The following VCF1 variants were observed in gnomAD, a reference collection of about 807,000 sequenced individuals.
VCF1 encodes the protein protein VCF1.
the VCF1 span, among the ~76,000 whole-genome samples, chr17:73,216,658 T>A: frequency 4.6e-5 from 7 of 152,076 alleles, no homozygotes; most frequent in African/African-American, 1.7e-4. Context: ...TGAGAGAATA[T>A]AGAGCAAAAA....
At chr17:73,216,372 G>A in the VCF1 span, among the ~76,000 whole-genome samples, 4 of 152,172 alleles carry the variant, frequency 2.6e-5, no homozygotes, top group African/African-American at 9.7e-5. Flanking sequence ...GGTGAGCCTG[G>A]CAAAAAGTTT....
the VCF1 span, chr17:73,208,638 T>G: frequency 1.4e-6 from 1 of 728,010 alleles, no homozygotes; most frequent in Non-Finnish European, 2.4e-6. Flanking sequence ...TTCACAATAC[T>G]TGTTGCTTTA....
chr17:73,225,954 T>TA, the VCF1 span, among the ~76,000 whole-genome samples: 103 of 142,024 alleles, frequency 7.3e-4, no homozygotes, highest in African/African-American at 2.6e-3. Flanking sequence ...CAGGCTGGAG[T>TA]AAAACGGCAC....
the VCF1 span, among the ~76,000 whole-genome samples, chr17:73,225,882 A>T: frequency 0.27 from 19,965 of 73,570 alleles, 2,639 homozygotes; most frequent in Non-Finnish European, 0.33. Context: ...ATATATATAT[A>T]ATATATATAT....
the VCF1 span, among the ~76,000 whole-genome samples, chr17:73,219,745 G>C: frequency 6.6e-6 from 1 of 152,098 alleles, no homozygotes; most frequent in Non-Finnish European, 1.5e-5. Flanking sequence ...GGCCGAGGCA[G>C]GTGGATCACG....
At chr17:73,213,416 C>T in the VCF1 span, among the ~76,000 whole-genome samples, 1 of 152,050 alleles carries the variant, frequency 6.6e-6, no homozygotes, top group African/African-American at 2.4e-5. Flanking sequence ...ATACTAACAT[C>T]GAAGTCTTTG....
the VCF1 span, among the ~76,000 whole-genome samples, chr17:73,214,167 C>T: frequency 6.6e-6 from 1 of 152,124 alleles, no homozygotes; most frequent in Non-Finnish European, 1.5e-5. Context: ...TGTTAAACTA[C>T]TGAGGCTTTG....
At chr17:73,225,879 TA>T in the VCF1 span, among the ~76,000 whole-genome samples, 22 of 95,500 alleles carry the variant, frequency 2.3e-4, no homozygotes, top group African/African-American at 7.5e-4. Flanking sequence ...TATATATATA[TA>T]TAATATATAT....
chr17:73,218,790 C>T, the VCF1 span, among the ~76,000 whole-genome samples: 10 of 151,930 alleles, frequency 6.6e-5, no homozygotes, highest in Admixed American at 6.6e-5. Context: ...GAGGCCGAGG[C>T]GGGCGGATCA....
the VCF1 span, chr17:73,207,568 G>C: frequency 5.6e-6 from 4 of 714,468 alleles, no homozygotes; most frequent in African/African-American, 7.2e-5. Flanking sequence ...CACTATCATT[G>C]TACTTGTTTG....
the VCF1 span, among the ~76,000 whole-genome samples, chr17:73,215,051 A>T: frequency 6.6e-6 from 1 of 152,220 alleles, no homozygotes; most frequent in Admixed American, 6.5e-5. Context: ...TCTGTGAAAT[A>T]AAAACCCCTT....
chr17:73,210,964 T>A, the VCF1 span, among the ~76,000 whole-genome samples: 282 of 152,296 alleles, frequency 1.9e-3, 1 homozygote, highest in African/African-American at 6.5e-3. Context: ...ATAACTGAAT[T>A]GGCAGTACCT....
chr17:73,222,735 C>A, the VCF1 span, among the ~76,000 whole-genome samples: 144 of 150,956 alleles, frequency 9.5e-4, no homozygotes, highest in Middle Eastern at 0.017. Flanking sequence ...TGAGATCATG[C>A]CACTGCACTC....
At chr17:73,217,218 T>A in the VCF1 span, among the ~76,000 whole-genome samples, 1 of 152,124 alleles carries the variant, frequency 6.6e-6, no homozygotes, top group Non-Finnish European at 1.5e-5. Flanking sequence ...CCAGCCATAA[T>A]GGCAAGCACC....
At chr17:73,209,778 A>G in the VCF1 span, 13 of 1,539,378 alleles carry the variant, frequency 8.4e-6, no homozygotes, top group Admixed American at 2.5e-4. Flanking sequence ...ACTGGAAGGA[A>G]GAAGAAAGAA....
At chr17:73,231,445 G>A in the VCF1 span, among the ~76,000 whole-genome samples, 1 of 152,130 alleles carries the variant, frequency 6.6e-6, no homozygotes. Context: ...GGAAGGTAGC[G>A]AGTGCATCGC....
chr17:73,223,447 T>C, the VCF1 span, among the ~76,000 whole-genome samples: 1 of 152,236 alleles, frequency 6.6e-6, no homozygotes, highest in East Asian at 1.9e-4. Flanking sequence ...TTTAGCTTTA[T>C]AGTATCTAGG....
the VCF1 span, among the ~76,000 whole-genome samples, chr17:73,219,083 C>A: frequency 2.0e-5 from 3 of 147,044 alleles, no homozygotes; most frequent in African/African-American, 7.5e-5. Flanking sequence ...CCCAGCTACT[C>A]GGAAGGCTGA....
At chr17:73,211,696 C>CT in the VCF1 span, among the ~76,000 whole-genome samples, 11 of 150,666 alleles carry the variant, frequency 7.3e-5, no homozygotes, top group Middle Eastern at 3.4e-3. Context: ...CCCATCTCCA[C>CT]TAAAAACACA....
Sources: gnomAD v4.1 joint callset for allele counts (sites outside exome capture counted in the v4.1 genomes callset) on GRCh38, gnomAD v4.1.1 for gene constraint, MANE v1.5 for transcripts, NCBI Gene and HGNC (gene_info 2026-07-23, HGNC 2026-07-21) for gene names.